ADAMTS19: variants seen among roughly 807,000 people sequenced by gnomAD.
The protein encoded by ADAMTS19 is A disintegrin and metalloproteinase with thrombospondin motifs 19.
ADAMTS19 carries 93 observed loss-of-function variants against 153.3 expected under a neutral mutation model. The ratio of observed to expected loss-of-function variants is 0.61; its 90% CI spans 0.51 to 0.72. ADAMTS19 has a LOEUF of 0.72. Ranked by LOEUF, ADAMTS19 falls within the 30% of genes least tolerant of loss-of-function variation. ADAMTS19 has a pLI of 0.00. For synonymous variants in ADAMTS19, 600 were observed against 556.6 expected (o/e 1.08, Z -1.10); for missense variants, 1,482 against 1,552.1 (o/e 0.95, Z 0.76).
At chr5:129,685,003 G>GA (rs199882456) in intron 18 of ADAMTS19, among the ~76,000 whole-genome samples, 31,517 of 142,252 alleles carry the variant, frequency 0.22, 4,306 homozygotes, top group African/African-American at 0.41. Flanking sequence ...AAAAAGAAAA[G>GA]AAAAAAAAAA....
intron 2 of ADAMTS19, among the ~76,000 whole-genome samples, chr5:129,464,692 G>A (rs1429799458): frequency 1.3e-5 from 2 of 152,146 alleles, no homozygotes; most frequent in Non-Finnish European, 2.9e-5. Context: ...TGGAGATTTT[G>A]GATACAGGGG....
chr5:129,642,827 A>G (rs191934145), intron 11 of ADAMTS19, among the ~76,000 whole-genome samples: 251 of 142,910 alleles, frequency 1.8e-3, no homozygotes, highest in Non-Finnish European at 2.7e-3. Context: ...ATCGATTTGA[A>G]AAATGGACAG....
chr5:129,569,943 T>C (rs1213719899), intron 7 of ADAMTS19, among the ~76,000 whole-genome samples: 2 of 151,888 alleles, frequency 1.3e-5, no homozygotes, highest in Non-Finnish European at 2.9e-5. Flanking sequence ...AACACACTCA[T>C]ATCAACCAGA....
At chr5:129,582,281 G>C (rs1020867637) in intron 7 of ADAMTS19, among the ~76,000 whole-genome samples, 7 of 151,114 alleles carry the variant, frequency 4.6e-5, no homozygotes, top group African/African-American at 1.5e-4. Context: ...GGGTGCTCCT[G>C]TATTGGGGGA....
intron 8 of ADAMTS19, among the ~76,000 whole-genome samples, chr5:129,615,818 C>G (rs1187301640): frequency 6.6e-6 from 1 of 151,922 alleles, no homozygotes; most frequent in African/African-American, 2.4e-5. Flanking sequence ...ATAGGACTAA[C>G]AGGATCCAGG....
At chr5:129,488,977 A>C (rs964517804) in intron 2 of ADAMTS19, among the ~76,000 whole-genome samples, 2 of 152,080 alleles carry the variant, frequency 1.3e-5, no homozygotes, top group African/African-American at 4.8e-5. Flanking sequence ...AACTGCAGAC[A>C]CTTAACCTTT....
intron 2 of ADAMTS19, among the ~76,000 whole-genome samples, chr5:129,501,481 G>A (rs951340615): frequency 3.9e-5 from 6 of 152,142 alleles, no homozygotes; most frequent in South Asian, 2.1e-4. Flanking sequence ...GCTACCATCT[G>A]TGAGGTGTTA....
intron 2 of ADAMTS19, among the ~76,000 whole-genome samples, chr5:129,462,504 G>C (rs1357943039): frequency 6.6e-6 from 1 of 152,084 alleles, no homozygotes; most frequent in Admixed American, 6.5e-5. Context: ...GGGATGGAAA[G>C]TAAAAGCCAT....
chr5:129,555,232 T>A (rs1277549131), intron 7 of ADAMTS19, among the ~76,000 whole-genome samples: 1 of 152,136 alleles, frequency 6.6e-6, no homozygotes, highest in Non-Finnish European at 1.5e-5. Flanking sequence ...CTCCTAGGTA[T>A]AGTAAGAGGA....
At chr5:129,608,502 A>G (rs2126947345) in intron 8 of ADAMTS19, among the ~76,000 whole-genome samples, 1 of 152,236 alleles carries the variant, frequency 6.6e-6, no homozygotes, top group South Asian at 2.1e-4. Flanking sequence ...TCAGCTTCCA[A>G]GAAGAGTCCT....
rs772548807 is a variant in ADAMTS19 at position 129,665,482 on chromosome 5, T to G, written c.2426-17T>G. 3 of 1,563,742 alleles carry G rather than the reference T, an allele frequency of 1.9e-6. No individual in the cohort carries two copies. ...AAGGAACTCAAGATTTATTTCATGTTTTATTGACTCTTACAGGTTATGTAG... is the reference window on the plus strand; with the variant it reads ...AAGGAACTCAAGATTTATTTCATGTGTTATTGACTCTTACAGGTTATGTAG... On this transcript the variant is annotated splice_polypyrimidine_tract_variant and intron_variant, in intron 15 of 22. Coordinates refer to ENST00000274487, the MANE Select transcript of ADAMTS19 (RefSeq NM_133638.6).
intron 21 of ADAMTS19, among the ~76,000 whole-genome samples, chr5:129,715,759 C>G (rs1756696196): frequency 6.6e-6 from 1 of 152,098 alleles, no homozygotes; most frequent in Admixed American, 6.5e-5. Flanking sequence ...CTATTTTGGA[C>G]TATGTTTCAA....
chr5:129,556,514 A>G (rs1443504237), intron 7 of ADAMTS19, among the ~76,000 whole-genome samples: 3 of 152,156 alleles, frequency 2.0e-5, no homozygotes, highest in Non-Finnish European at 2.9e-5. Flanking sequence ...AATCCCTGGA[A>G]TTTATGAATA....
At position 129,461,532 on chromosome 5, in the gene ADAMTS19, G is replaced by A. The variant is rs1319217507; in HGVS notation, c.522G>A (p.Arg174=). Reference sequence around the variant, plus strand: ...CGGATGGCGACGAAGTGTTGCTGCGGATCCCGGCCTTCTCTCGGGACCTGT... The same window carrying A: ...CGGATGGCGACGAAGTGTTGCTGCGAATCCCGGCCTTCTCTCGGGACCTGT... ...AEPDGDEVLL[R]IPAFSRDLYL... is the part of the protein sequence containing the mutation. Residue 174 remains arginine, a synonymous_variant, in exon 2 of 23, where the codon CGG becomes CGA. Coordinates refer to ENST00000274487, the MANE Select transcript of ADAMTS19 (RefSeq NM_133638.6). This position sits in a 1 kb window ranked among gnomAD's most constrained non-coding sequence, Gnocchi z 4.6. The A allele has an allele frequency of 1.2e-5, 18 of 1,529,798 alleles. No individual in the cohort carries two copies. The highest frequency in any genetic ancestry group is 5.6e-5 in the African/African-American group (4 of 71,974). The allele number at this position is 1,529,798 out of a possible 1,614,324, so 94.8% of individuals were successfully genotyped here.
At chr5:129,689,586 A>C (rs1048526002) in intron 18 of ADAMTS19, among the ~76,000 whole-genome samples, 3 of 151,730 alleles carry the variant, frequency 2.0e-5, no homozygotes, top group Non-Finnish European at 2.9e-5. Context: ...CACCACACCC[A>C]GCTAATTTTT....
chr5:129,461,030 G>A lies in ADAMTS19; in HGVS notation c.92-72G>A. The A allele has an allele frequency of 7.8e-7, 1 of 1,281,372 alleles. No individual in the cohort carries two copies. Among genetic ancestry groups the A allele is most frequent in the Non-Finnish European group, 9.8e-7 (1 of 1,016,390 alleles). 79.4% of individuals were successfully genotyped at this position (1,281,372 alleles called of 1,614,324 possible). A position where few individuals can be genotyped will look rare whatever the true frequency, so the allele number is the denominator to read the frequency against. On this transcript the variant is annotated intron_variant, in intron 1 of 22. Coordinates refer to ENST00000274487, the MANE Select transcript of ADAMTS19 (RefSeq NM_133638.6). The surrounding 1 kb of genome is among the most constrained non-coding windows in gnomAD (Gnocchi z 4.6). ...CGAGCGCCCTGTATCTATGGACTGT[G>A]AGCTTGGAAATGTTTGTGCTACTGG...
intron 8 of ADAMTS19, among the ~76,000 whole-genome samples, chr5:129,598,666 G>A (rs908286877): frequency 7.9e-5 from 12 of 152,080 alleles, no homozygotes; most frequent in Non-Finnish European, 1.8e-4. Flanking sequence ...ATTAACATAA[G>A]CATTACCTCA....
At chr5:129,687,713 AG>A (rs1265777116) in intron 18 of ADAMTS19, among the ~76,000 whole-genome samples, 10 of 152,194 alleles carry the variant, frequency 6.6e-5, no homozygotes, top group Non-Finnish European at 1.3e-4. Flanking sequence ...TCAATGACTC[AG>A]GGGTTCAAGT....
At chr5:129,581,151 G>GT (rs1182167629) in intron 7 of ADAMTS19, among the ~76,000 whole-genome samples, 3 of 152,156 alleles carry the variant, frequency 2.0e-5, no homozygotes, top group African/African-American at 7.2e-5. Flanking sequence ...CTTCTTCCTG[G>GT]TTTAGTCTTG....
Sources: allele counts gnomAD v4.1 joint callset (sites outside exome capture counted in the v4.1 genomes callset), GRCh38; gene constraint gnomAD v4.1.1; non-coding constraint Gnocchi (gnomAD v3.1); transcripts MANE v1.5; gene names NCBI Gene and HGNC (gene_info 2026-07-23, HGNC 2026-07-21).